The following SEZ6L variants were observed in gnomAD, a reference collection of about 807,000 sequenced individuals.
The protein encoded by SEZ6L is seizure 6-like protein.
In SEZ6L, 37 loss-of-function variants were observed where a neutral mutation model predicts 106.2. That is an observed-to-expected ratio of 0.35 (90% CI 0.27 to 0.46). The LOEUF (loss-of-function observed/expected upper bound fraction) is 0.46. SEZ6L is among the 20% of genes least tolerant of loss of function. The pLI, the probability that SEZ6L is intolerant of heterozygous loss-of-function variation, is 1.00. For synonymous variants in SEZ6L, 541 were observed against 570.4 expected (o/e 0.95, Z 0.73); for missense variants, 1,172 against 1,332.8 (o/e 0.88, Z 1.88).
chr22:26,184,365 C>T (rs1034075961), intron 1 of SEZ6L, among the ~76,000 whole-genome samples: 1 of 152,162 alleles, frequency 6.6e-6, no homozygotes, highest in Admixed American at 6.5e-5. Context: ...CCTCTCCACC[C>T]CACTTCTGCC....
At chr22:26,170,849 G>T (rs899655253) in intron 1 of SEZ6L, among the ~76,000 whole-genome samples, 46 of 152,240 alleles carry the variant, frequency 3.0e-4, no homozygotes, top group Admixed American at 9.2e-4. Context: ...AAGACAGAGG[G>T]AGCGCAGGCA....
intron 1 of SEZ6L, among the ~76,000 whole-genome samples, chr22:26,260,300 C>T (rs1280269675): frequency 2.0e-5 from 3 of 152,136 alleles, no homozygotes; most frequent in African/African-American, 7.2e-5. Flanking sequence ...CCCACTATTT[C>T]CCCTGAGTCC....
chr22:26,169,934 T>C (rs1412584302), intron 1 of SEZ6L, among the ~76,000 whole-genome samples, 171 bp downstream of exon 1: 1 of 152,106 alleles, frequency 6.6e-6, no homozygotes, highest in Non-Finnish European at 1.5e-5. Flanking sequence ...CCCGGGCTGA[T>C]GGGAGTGTGG....
At chr22:26,324,102 AAACACACAC>A (rs2082237517) in intron 9 of SEZ6L, among the ~76,000 whole-genome samples, 2 of 141,036 alleles carry the variant, frequency 1.4e-5, no homozygotes, top group African/African-American at 5.1e-5. Flanking sequence ...ACACACACAC[AAACACACAC>A]ACACACACAA....
intron 5 of SEZ6L, among the ~76,000 whole-genome samples, chr22:26,301,540 G>A (rs2078253456): frequency 6.6e-6 from 1 of 152,228 alleles, no homozygotes; most frequent in African/African-American, 2.4e-5. Flanking sequence ...GTGGAATGAT[G>A]CAGAGTGAGG....
At chr22:26,321,663 T>C (rs2082158448) in intron 9 of SEZ6L, among the ~76,000 whole-genome samples, 1 of 152,228 alleles carries the variant, frequency 6.6e-6, no homozygotes, top group African/African-American at 2.4e-5. Flanking sequence ...TGCTTGGTTT[T>C]CCACTGACAG....
intron 15 of SEZ6L, among the ~76,000 whole-genome samples, chr22:26,375,940 G>A (rs2084210286): frequency 6.6e-6 from 1 of 152,194 alleles, no homozygotes; most frequent in African/African-American, 2.4e-5. Context: ...GTTTAGTGGG[G>A]CACACAGACA....
chr22:26,234,164 G>T (rs2078885754), intron 1 of SEZ6L, among the ~76,000 whole-genome samples: 1 of 152,176 alleles, frequency 6.6e-6, no homozygotes, highest in Non-Finnish European at 1.5e-5. Context: ...GGGGTGTCAG[G>T]ATCCAAGAGA....
At chr22:26,176,556 A>G (rs1361888943) in intron 1 of SEZ6L, among the ~76,000 whole-genome samples, 1 of 152,334 alleles carries the variant, frequency 6.6e-6, no homozygotes, top group East Asian at 1.9e-4. Context: ...AGAGGAGCGC[A>G]TGGCTGGTTG....
intron 1 of SEZ6L, among the ~76,000 whole-genome samples, chr22:26,174,578 G>A (rs1056268813): frequency 6.6e-6 from 1 of 152,194 alleles, no homozygotes; most frequent in Non-Finnish European, 1.5e-5. Context: ...TCAGAAGGGA[G>A]CGAGGCCCAG....
chr22:26,379,660 G>T (rs867509760), intron 16 of SEZ6L, among the ~76,000 whole-genome samples: 2 of 152,138 alleles, frequency 1.3e-5, no homozygotes, highest in Non-Finnish European at 2.9e-5. Flanking sequence ...TGTTGTAGTC[G>T]TTTCACATGG....
At chr22:26,320,881 C>A (rs2082135779) in intron 9 of SEZ6L, among the ~76,000 whole-genome samples, 1 of 152,158 alleles carries the variant, frequency 6.6e-6, no homozygotes, top group South Asian at 2.1e-4. Context: ...TGGGGACAGG[C>A]CAGGGATGCT....
Position 26,331,745 on chromosome 22 carries a change from G to T in SEZ6L, c.2016-8691G>T, listed in dbSNP as rs190333418. Among the ~76,000 whole-genome samples the T allele has an allele frequency of 7.7e-4, 118 of 152,280 alleles. 2 individuals carry two copies. Among genetic ancestry groups the T allele is most frequent in the Middle Eastern group, 3.4e-3 (1 of 294 alleles). ...AAGCCTGTATCCCAGAACTTTGGGA[G>T]GCCAAGGCAGGTGGATCACCTGAGG... On this transcript the variant is annotated intron_variant, in intron 9 of 16. Coordinates refer to ENST00000248933, the MANE Select transcript of SEZ6L (RefSeq NM_021115.5).
Position 26,171,391 on chromosome 22 carries a change from T to C in SEZ6L, c.94+1628T>C. 1.3e-5 allele frequency among the ~76,000 whole-genome samples: 2 copies of C among 151,486 alleles called. 1 individual carries two copies. The highest frequency in any genetic ancestry group is 2.9e-5 in the Non-Finnish European group (2 of 67,928). ...TCTCCCTCCCCCACCCCCTTTTGAATCTGTGTTGTGACTAACACACATATA... is the reference window on the plus strand; with the variant it reads ...TCTCCCTCCCCCACCCCCTTTTGAACCTGTGTTGTGACTAACACACATATA... On this transcript the variant is annotated intron_variant, in intron 1 of 16. Coordinates refer to ENST00000248933, the MANE Select transcript of SEZ6L (RefSeq NM_021115.5).
intron 9 of SEZ6L, among the ~76,000 whole-genome samples, chr22:26,329,763 T>C (rs2082424790): frequency 1.3e-5 from 2 of 152,248 alleles, no homozygotes; most frequent in Admixed American, 1.3e-4. Flanking sequence ...ATGGGATTCA[T>C]AATGTTTTTT....
At chr22:26,261,774 T>C (rs2080015300) in intron 1 of SEZ6L, among the ~76,000 whole-genome samples, 1 of 151,784 alleles carries the variant, frequency 6.6e-6, no homozygotes. Context: ...GTTGGGAGGG[T>C]AGATAAGCGT....
intron 12 of SEZ6L, among the ~76,000 whole-genome samples, chr22:26,353,348 T>C (rs1237938819): frequency 1.3e-5 from 2 of 152,242 alleles, no homozygotes; most frequent in Non-Finnish European, 2.9e-5. Context: ...ATATAGTGTG[T>C]GTACATATGT....
chr22:26,231,298 T>C lies in SEZ6L; in HGVS notation c.95-61108T>C, dbSNP rs545895977. On this transcript the variant is annotated intron_variant, in intron 1 of 16. Transcript: ENST00000248933. ...CATTGCCATGGAAAGGGACAGTAACTTCTGGGTGTTGCCATGGCAATGGTA... is the reference window on the plus strand; with the variant it reads ...CATTGCCATGGAAAGGGACAGTAACCTCTGGGTGTTGCCATGGCAATGGTA... 3.7e-3 allele frequency among the ~76,000 whole-genome samples: 566 copies of C among 152,300 alleles called. 1 individual carries two copies. Among genetic ancestry groups the C allele is most frequent in the Non-Finnish European group, 5.8e-3 (392 of 68,022 alleles).
Position 26,201,798 on chromosome 22 carries a change from A to C in SEZ6L, c.94+32035A>C, listed in dbSNP as rs1296414539. Among the ~76,000 whole-genome samples, 3 of 152,272 alleles carry C rather than the reference A, an allele frequency of 2.0e-5. No individual in the cohort carries two copies. The East Asian group carries it at 5.8e-4, about 29-fold the overall frequency. On this transcript the variant is annotated intron_variant, in intron 1 of 16. Transcript: ENST00000248933. The stretch of plus-strand genomic sequence containing the variant: ...GTCAAATAAGCTAATACCTCCAAAA[A>C]CATTTTCACAGCCCTGGCCCAGAGT...
Sources: allele counts gnomAD v4.1 joint callset (sites outside exome capture counted in the v4.1 genomes callset), GRCh38; gene constraint gnomAD v4.1.1; transcripts MANE v1.5; gene names NCBI Gene and HGNC (gene_info 2026-07-23, HGNC 2026-07-21).